The following SGCZ variants were observed in gnomAD, a reference collection of about 807,000 sequenced individuals.
SGCZ encodes zeta-sarcoglycan.
SGCZ carries 40 observed loss-of-function variants against 41.3 expected under a neutral mutation model. That is an observed-to-expected ratio of 0.97 (90% CI 0.75 to 1.26). SGCZ has a LOEUF of 1.26. SGCZ is among the 50% of genes most tolerant of loss of function. The probability of loss-of-function intolerance (pLI) is 0.00; values close to 1 mark genes in which losing one functional copy is unlikely to be tolerated. For missense variants in SGCZ, 552 were observed against 369.8 expected (o/e 1.49, Z -4.04); for synonymous variants, 206 against 137.5 (o/e 1.50, Z -3.49).
chr8:14,813,234 A>G (rs1801787656), intron 1 of SGCZ, among the ~76,000 whole-genome samples: 2 of 152,166 alleles, frequency 1.3e-5, no homozygotes, highest in Non-Finnish European at 2.9e-5. Flanking sequence ...TCTTTGGAAG[A>G]GTTTCTCCCT....
intron 2 of SGCZ, among the ~76,000 whole-genome samples, chr8:14,528,956 T>C (rs1338402099): frequency 1.3e-5 from 2 of 151,982 alleles, no homozygotes; most frequent in African/African-American, 2.4e-5. Context: ...ATTTTACAGA[T>C]GAATCAGCTG....
At chr8:14,800,588 T>TA (rs549548981) in intron 1 of SGCZ, among the ~76,000 whole-genome samples, 9 of 152,154 alleles carry the variant, frequency 5.9e-5, no homozygotes, top group Non-Finnish European at 1.2e-4. Flanking sequence ...GTTTTCCTGA[T>TA]AGAGTTCCCA....
At chr8:14,150,853 T>G (rs982257648) in intron 5 of SGCZ, among the ~76,000 whole-genome samples, 2 of 152,128 alleles carry the variant, frequency 1.3e-5, no homozygotes, top group African/African-American at 4.8e-5. Context: ...TAAAAAAGAA[T>G]GAAATCCAGT....
intron 1 of SGCZ, among the ~76,000 whole-genome samples, chr8:15,232,678 T>C (rs1001652608): frequency 3.7e-5 from 2 of 54,296 alleles, no homozygotes; most frequent in South Asian, 4.2e-4. Flanking sequence ...TGTGTGTGTA[T>C]ATATATATAT....
intron 1 of SGCZ, among the ~76,000 whole-genome samples, chr8:14,907,395 C>G (rs770796799): frequency 2.6e-5 from 4 of 151,962 alleles, no homozygotes; most frequent in Non-Finnish European, 5.9e-5. Context: ...ACTATCTTGC[C>G]GAGGTTAGTC....
In SGCZ at chr8:14,140,316, C is replaced by A. The variant is rs527276598; in HGVS notation, c.547+24264G>T. On this transcript the variant is annotated intron_variant, in intron 5 of 7. Transcript: ENST00000382080. ...TTCAACATACTGTTGAAAGTTCTGG[C>A]CAGGGAAATCAGGCAGGAGAAAGAA... Among the ~76,000 whole-genome samples, 8 of 152,184 alleles carry A rather than the reference C, an allele frequency of 5.3e-5. No individual in the cohort carries two copies. The South Asian group carries it at 1.2e-3, about 24-fold the overall frequency.
rs180923084 is a variant in SGCZ at position 14,328,711 on chromosome 8, T to C, written c.235-4507A>G. Among the ~76,000 whole-genome samples, 285 of 152,340 alleles carry C rather than the reference T, an allele frequency of 1.9e-3. 1 individual carries two copies. The highest frequency in any genetic ancestry group is 3.0e-3 in the Non-Finnish European group (204 of 68,028). Reference sequence around the variant, plus strand: ...TAGTTATGATACTCTTGTTCATCATTGCTATGGTTCAAATGTGTCCCCTCT... The same window carrying C: ...TAGTTATGATACTCTTGTTCATCATCGCTATGGTTCAAATGTGTCCCCTCT... On this transcript the variant is annotated intron_variant, in intron 2 of 7. Coordinates refer to ENST00000382080, the MANE Select transcript of SGCZ (RefSeq NM_139167.4).
chr8:14,417,329 T>A (rs1234938439), intron 2 of SGCZ, among the ~76,000 whole-genome samples: 3 of 151,914 alleles, frequency 2.0e-5, no homozygotes, highest in African/African-American at 7.2e-5. Flanking sequence ...TTTCTTTATA[T>A]AAATTTTAAA....
chr8:14,880,082 C>G (rs987105053), intron 1 of SGCZ, among the ~76,000 whole-genome samples: 18 of 152,162 alleles, frequency 1.2e-4, no homozygotes, highest in African/African-American at 3.4e-4. Flanking sequence ...CTCAGGTAAT[C>G]TGCCCACCTT....
At chr8:14,593,918 T>C (rs753872521) in intron 1 of SGCZ, among the ~76,000 whole-genome samples, 1 of 152,130 alleles carries the variant, frequency 6.6e-6, no homozygotes, top group Non-Finnish European at 1.5e-5. Flanking sequence ...CTCATGCCTA[T>C]AATCCCCGCA....
chr8:14,305,779 C>G (rs1387455832), intron 3 of SGCZ, among the ~76,000 whole-genome samples: 1 of 152,156 alleles, frequency 6.6e-6, no homozygotes, highest in African/African-American at 2.4e-5. Flanking sequence ...TCACTTAAAT[C>G]CGGGCTCAAC....
At chr8:14,389,340 G>C (rs1585439966) in intron 2 of SGCZ, among the ~76,000 whole-genome samples, 1 of 151,378 alleles carries the variant, frequency 6.6e-6, no homozygotes, top group South Asian at 2.1e-4. Flanking sequence ...CAGAAATAAA[G>C]AAAAATATAA....
intron 3 of SGCZ, among the ~76,000 whole-genome samples, chr8:14,280,362 T>A (rs1585314367): frequency 2.0e-5 from 3 of 151,960 alleles, no homozygotes; most frequent in East Asian, 3.9e-4. Context: ...AGAATCAGAA[T>A]GATTAAGTGT....
intron 1 of SGCZ, among the ~76,000 whole-genome samples, chr8:14,841,559 A>G (rs886675503): frequency 6.6e-6 from 1 of 152,188 alleles, no homozygotes; most frequent in Non-Finnish European, 1.5e-5. Flanking sequence ...GTAGGTTTCC[A>G]TAAGAAAAAA....
chr8:14,729,694 AC>A (rs1316224474), intron 1 of SGCZ, among the ~76,000 whole-genome samples: 6 of 152,130 alleles, frequency 3.9e-5, no homozygotes, highest in African/African-American at 1.4e-4. Flanking sequence ...TGTTTAAGTA[AC>A]CTAGTCTCTA....
At chr8:14,138,426 G>C (rs190565744) in intron 5 of SGCZ, among the ~76,000 whole-genome samples, 8 of 151,490 alleles carry the variant, frequency 5.3e-5, no homozygotes, top group Admixed American at 5.3e-4. Flanking sequence ...TCAGTGTGCT[G>C]TATTCAGGAG....
At chr8:14,514,543 C>T (rs575985200) in intron 2 of SGCZ, among the ~76,000 whole-genome samples, 3 of 151,228 alleles carry the variant, frequency 2.0e-5, no homozygotes, top group Non-Finnish European at 4.4e-5. Flanking sequence ...ATTTTATCAT[C>T]AGTGTATGAA....
chr8:14,514,300 C>G (rs1342809679), intron 2 of SGCZ, among the ~76,000 whole-genome samples: 1 of 152,046 alleles, frequency 6.6e-6, no homozygotes, highest in East Asian at 1.9e-4. Context: ...GTAGAAGTGA[C>G]TTCAGATATA....
chr8:14,619,137 T>C (rs1270033306), intron 1 of SGCZ, among the ~76,000 whole-genome samples: 2 of 152,140 alleles, frequency 1.3e-5, no homozygotes, highest in Non-Finnish European at 2.9e-5. Context: ...TGGTTCAACA[T>C]ATGCAAATCA....
Sources: allele counts gnomAD v4.1 joint callset (sites outside exome capture counted in the v4.1 genomes callset), GRCh38; gene constraint gnomAD v4.1.1; transcripts MANE v1.5; gene names NCBI Gene and HGNC (gene_info 2026-07-23, HGNC 2026-07-21).